CALN1: variants seen among roughly 807,000 people sequenced by gnomAD.
CALN1 encodes calcium-binding protein 8.
CALN1 carries 17 observed loss-of-function variants against 30.6 expected under a neutral mutation model. The observed-to-expected ratio is 0.56, with a 90% confidence interval of 0.38 to 0.83. The LOEUF (loss-of-function observed/expected upper bound fraction) is 0.83. Ranked by LOEUF, CALN1 falls within the 40% of genes least tolerant of loss-of-function variation. CALN1 has a pLI of 0.00. For synonymous variants in CALN1, 156 were observed against 131.4 expected, an observed-to-expected ratio of 1.19 and a Z score of -1.28; for missense variants, 291 against 354.9, an observed-to-expected ratio of 0.82 and a Z score of 1.45.
At chr7:72,259,420 G>A (rs150786553) in intron 3 of CALN1, among the ~76,000 whole-genome samples, 30 of 152,110 alleles carry the variant, frequency 2.0e-4, no homozygotes, top group African/African-American at 7.0e-4. Context: ...TGGTCTCAGC[G>A]GTTGTCACCA....
intron 3 of CALN1, among the ~76,000 whole-genome samples, chr7:72,207,483 T>A (rs1483374035): frequency 6.6e-6 from 1 of 152,244 alleles, no homozygotes; most frequent in South Asian, 2.1e-4. Flanking sequence ...GTAGTAGTAG[T>A]AGTAGTAGTA....
intron 3 of CALN1, among the ~76,000 whole-genome samples, chr7:72,245,362 TA>T (rs978164361): frequency 1.3e-5 from 2 of 152,150 alleles, no homozygotes; most frequent in Non-Finnish European, 1.5e-5. Flanking sequence ...CTCACGCCTA[TA>T]ATCCCAGCAC....
intron 3 of CALN1, among the ~76,000 whole-genome samples, chr7:72,270,628 T>C (rs1796914246): frequency 6.6e-6 from 1 of 151,706 alleles, no homozygotes; most frequent in South Asian, 2.1e-4. Context: ...TTTTTTAATT[T>C]AGCAGGTGTG....
At chr7:72,323,748 T>C (rs1223916331) in intron 2 of CALN1, among the ~76,000 whole-genome samples, 1 of 151,690 alleles carries the variant, frequency 6.6e-6, no homozygotes, top group Non-Finnish European at 1.5e-5. Context: ...TCAACGATCA[T>C]AATTTGCAGT....
intron 3 of CALN1, among the ~76,000 whole-genome samples, chr7:72,136,471 A>T (rs1490628319): frequency 1.3e-5 from 2 of 152,118 alleles, no homozygotes; most frequent in South Asian, 4.1e-4. Flanking sequence ...GGCTGGTTTA[A>T]TTTTCTATCC....
At chr7:72,218,197 C>T (rs977986783) in intron 3 of CALN1, among the ~76,000 whole-genome samples, 4 of 151,720 alleles carry the variant, frequency 2.6e-5, no homozygotes, top group Non-Finnish European at 4.4e-5. Flanking sequence ...GCTTGCAATG[C>T]CAGCACTTTG....
At chr7:72,159,944 A>G (rs1481798047) in intron 3 of CALN1, among the ~76,000 whole-genome samples, 2 of 152,222 alleles carry the variant, frequency 1.3e-5, no homozygotes, top group African/African-American at 4.8e-5. Context: ...ACCATTAATC[A>G]CTGTGTCAGG....
At chr7:72,240,487 G>A (rs745544300) in intron 3 of CALN1, among the ~76,000 whole-genome samples, 4 of 152,098 alleles carry the variant, frequency 2.6e-5, no homozygotes, top group African/African-American at 7.2e-5. Flanking sequence ...GAGCTGCTGC[G>A]ACTGGGGGAG....
chr7:71,981,922 C>G (rs1798419030), intron 5 of CALN1, among the ~76,000 whole-genome samples: 1 of 152,132 alleles, frequency 6.6e-6, no homozygotes, highest in Non-Finnish European at 1.5e-5. Flanking sequence ...AAAAACACAG[C>G]TGAAGAGTTT....
At chr7:72,234,237 C>G (rs1794321375) in intron 3 of CALN1, among the ~76,000 whole-genome samples, 1 of 152,112 alleles carries the variant, frequency 6.6e-6, no homozygotes, top group African/African-American at 2.4e-5. Context: ...AAGCTGCGAT[C>G]TCTGCTTTGG....
At chr7:72,320,226 C>G (rs1288759634) in intron 2 of CALN1, among the ~76,000 whole-genome samples, 1 of 152,184 alleles carries the variant, frequency 6.6e-6, no homozygotes, top group Admixed American at 6.5e-5. Context: ...TCAAGCCAAG[C>G]TGCTGACCAG....
chr7:72,197,957 C>T (rs187266933), intron 3 of CALN1, among the ~76,000 whole-genome samples: 4 of 152,168 alleles, frequency 2.6e-5, no homozygotes, highest in Admixed American at 1.3e-4. Context: ...CACCTTTCTT[C>T]GTGGTCTAAT....
At chr7:72,254,858 C>T (rs113603862) in intron 3 of CALN1, among the ~76,000 whole-genome samples, 28,590 of 151,880 alleles carry the variant, frequency 0.19, 3,719 homozygotes, top group East Asian at 0.43. Context: ...CCTCTGCCTC[C>T]CAGGTTCAAG....
At chr7:72,224,699 T>G (rs1459192212) in intron 3 of CALN1, among the ~76,000 whole-genome samples, 1 of 151,850 alleles carries the variant, frequency 6.6e-6, no homozygotes, top group African/African-American at 2.4e-5. Flanking sequence ...GAGAATCGCT[T>G]GAACCCCGGA....
the CALN1 span, among the ~76,000 whole-genome samples, chr7:72,479,576 G>A: frequency 7.6e-6 from 1 of 131,582 alleles, no homozygotes; most frequent in Non-Finnish European, 1.6e-5. Context: ...TTTTTGAGAT[G>A]GAGTCCCGCT....
At chr7:72,324,010 A>C (rs1468499614) in intron 2 of CALN1, among the ~76,000 whole-genome samples, 1 of 152,136 alleles carries the variant, frequency 6.6e-6, no homozygotes, top group Non-Finnish European at 1.5e-5. Flanking sequence ...CCTGGGTGAC[A>C]GAGTGAGACT....
intron 4 of CALN1, among the ~76,000 whole-genome samples, chr7:72,047,555 C>T (rs1423721619): frequency 6.6e-6 from 1 of 152,134 alleles, no homozygotes; most frequent in Admixed American, 6.5e-5. Flanking sequence ...CACCACTGCA[C>T]CGCAGTCAGA....
At chr7:72,018,023 A>G (rs775097947) in intron 5 of CALN1, among the ~76,000 whole-genome samples, 9 of 152,038 alleles carry the variant, frequency 5.9e-5, no homozygotes, top group Non-Finnish European at 1.0e-4. Flanking sequence ...CCTTTCACAT[A>G]TGCTCTCTAT....
At chr7:71,969,253 C>T (rs1797675718) in intron 5 of CALN1, among the ~76,000 whole-genome samples, 1 of 151,242 alleles carries the variant, frequency 6.6e-6, no homozygotes, top group South Asian at 2.2e-4. Context: ...ATTAGTGTTA[C>T]CCTTTGCCCA....
Sources: gnomAD v4.1 joint callset for allele counts (sites outside exome capture counted in the v4.1 genomes callset) on GRCh38, gnomAD v4.1.1 for gene constraint, MANE v1.5 for transcripts, NCBI Gene and HGNC (gene_info 2026-07-23, HGNC 2026-07-21) for gene names.